EBF3: variants seen among roughly 807,000 people sequenced by gnomAD.
EBF3 encodes the protein EBF transcription factor 3.
In EBF3, 18 loss-of-function variants were observed where a neutral mutation model predicts 77.1. The observed-to-expected ratio is 0.23, with a 90% CI of 0.16 to 0.35. The LOEUF (loss-of-function observed/expected upper bound fraction) is 0.35. Among genes scored for constraint, EBF3 ranks in the 10% least tolerant of loss-of-function variants. EBF3 has a pLI of 1.00. For synonymous variants in EBF3, 350 were observed against 343.5 expected (o/e 1.02, Z -0.21); for missense variants, 558 against 860.0 (o/e 0.65, Z 4.39).
chr10:129,877,620 G>T, intron 7 of EBF3, 148 bp downstream of exon 7: 2 of 630,420 alleles, frequency 3.2e-6, no homozygotes, highest in African/African-American at 1.9e-5. Context: ...CATTTTATTT[G>T]CATATTTTTA....
chr10:129,841,680 C>T lies in EBF3; in HGVS notation c.1372+436G>A, dbSNP rs1351230738. ...GGACACTGCACTGTGGGATGGGGTG[C>T]GGGGTGGGGAAATGGGGGTCTGTCT... On this transcript the variant is annotated intron_variant, in intron 13 of 16. Coordinates refer to ENST00000440978, the MANE Select transcript of EBF3 (RefSeq NM_001375380.1). This position sits in a 1 kb window ranked among gnomAD's most constrained non-coding sequence, Gnocchi z 4.6. Among the ~76,000 whole-genome samples the T allele has an allele frequency of 6.6e-6, 1 of 151,990 alleles. No homozygotes were observed. The highest frequency in any genetic ancestry group is 1.5e-5 in the Non-Finnish European group (1 of 67,988).
intron 5 of EBF3, among the ~76,000 whole-genome samples, chr10:129,957,969 A>AT (rs1467806074): frequency 1.3e-5 from 2 of 152,244 alleles, no homozygotes; most frequent in African/African-American, 4.8e-5. Context: ...GGCAAAGTAT[A>AT]TAAAGCCTTT....
chr10:129,909,626 A>G (rs1332211145), intron 6 of EBF3, among the ~76,000 whole-genome samples: 2 of 152,176 alleles, frequency 1.3e-5, no homozygotes, highest in Non-Finnish European at 2.9e-5. Flanking sequence ...AGCCTGGAAA[A>G]CATACCTGGG....
At position 129,940,874 on chromosome 10, in the gene EBF3, G is replaced by A. The variant is rs184312712; in HGVS notation, c.554+16384C>T. Among the ~76,000 whole-genome samples, 73 of 152,228 alleles carry A rather than the reference G, an allele frequency of 4.8e-4. 1 individual carries two copies. The highest frequency in any genetic ancestry group is 1.6e-3 in the African/African-American group (65 of 41,554). On this transcript the variant is annotated intron_variant, in intron 6 of 16. Coordinates refer to ENST00000440978, the MANE Select transcript of EBF3 (RefSeq NM_001375380.1). ...GGGCTGCCATAAACATCCCACACTC[G>A]ATCCTCCCATGTTGGGCCACAGCAA...
intron 6 of EBF3, among the ~76,000 whole-genome samples, chr10:129,883,463 C>A (rs192004970): frequency 6.6e-6 from 1 of 152,030 alleles, no homozygotes; most frequent in African/African-American, 2.4e-5. Context: ...ATGGGGGGAA[C>A]CTGCTTTTGA....
intron 8 of EBF3, among the ~76,000 whole-genome samples, chr10:129,872,747 A>G (rs1429986491): frequency 2.0e-5 from 3 of 152,182 alleles, no homozygotes; most frequent in African/African-American, 7.2e-5. Context: ...GATGTGTTCA[A>G]TTGTGGGTGC....
chr10:129,843,723 C>T (rs1590043813), intron 11 of EBF3, among the ~76,000 whole-genome samples: 2 of 152,226 alleles, frequency 1.3e-5, no homozygotes, highest in Non-Finnish European at 1.5e-5. Context: ...AGTGCTTATT[C>T]CTCTTTATTT....
In EBF3 at chr10:129,861,074, T is replaced by C. The variant is rs917641624; in HGVS notation, c.1039+6067A>G. Among the ~76,000 whole-genome samples, 6 of 152,214 alleles carry C rather than the reference T, an allele frequency of 3.9e-5. No homozygotes were observed. The highest frequency in any genetic ancestry group is 4.4e-5 in the Non-Finnish European group (3 of 68,032). On this transcript the variant is annotated intron_variant, in intron 10 of 16. Transcript: ENST00000440978. This position sits in a 1 kb window ranked among gnomAD's most constrained non-coding sequence, Gnocchi z 4.3. ...ACCCTGGAAGCCCTCCCGGCCCCAC[T>C]CTTCAAAGGGCCGTGTTATCGAATC...
At chr10:129,893,525 T>C (rs1291906066) in intron 6 of EBF3, among the ~76,000 whole-genome samples, 2 of 152,218 alleles carry the variant, frequency 1.3e-5, no homozygotes, top group Non-Finnish European at 2.9e-5. Context: ...GTAATTTGAT[T>C]AACATGTTGA....
At chr10:129,905,267 C>T (rs755559048) in intron 6 of EBF3, among the ~76,000 whole-genome samples, 8 of 152,108 alleles carry the variant, frequency 5.3e-5, no homozygotes, top group Non-Finnish European at 1.2e-4. Context: ...TGGTAGGGGC[C>T]GGTCCTCATG....
chr10:129,927,811 C>G (rs1856773810), intron 6 of EBF3, among the ~76,000 whole-genome samples: 2 of 152,248 alleles, frequency 1.3e-5, no homozygotes, highest in Admixed American at 1.3e-4. Flanking sequence ...ATGTAAGCAG[C>G]TCTCCTGGCC....
At position 129,921,869 on chromosome 10, in the gene EBF3, G is replaced by A. The variant is rs140202964; in HGVS notation, c.554+35389C>T. ...TGTCCTCCTGAGCCCCACACCTGCC[G>A]TCCCATCCCAGCTCACTAGCCAGCC... On this transcript the variant is annotated intron_variant, in intron 6 of 16. Coordinates refer to ENST00000440978, the MANE Select transcript of EBF3 (RefSeq NM_001375380.1). 8.3e-3 allele frequency among the ~76,000 whole-genome samples: 1,267 copies of A among 152,252 alleles called. 26 individuals carry two copies. Among genetic ancestry groups the A allele is most frequent in the African/African-American group, 0.028 (1,169 of 41,544 alleles).
chr10:129,941,758 C>A (rs1857759085), intron 6 of EBF3, among the ~76,000 whole-genome samples: 1 of 152,354 alleles, frequency 6.6e-6, no homozygotes. Context: ...GGGACAGGAC[C>A]AGGCTGGCCT....
In EBF3 at chr10:129,948,392, G is replaced by C. The variant is rs1184949; in HGVS notation, c.554+8866C>G. Among the ~76,000 whole-genome samples the C allele has an allele frequency of 6.4e-3, 967 of 152,222 alleles. 11 individuals carry two copies. The highest frequency in any genetic ancestry group is 0.021 in the African/African-American group (885 of 41,526). On this transcript the variant is annotated intron_variant, in intron 6 of 16. Transcript: ENST00000440978. Reference sequence around the variant, plus strand: ...AGTAAAAGGATCCAGGGGTGCCAGGGGTTCAGGAAAGGGGGAGGGGTGGCT... The same window carrying C: ...AGTAAAAGGATCCAGGGGTGCCAGGCGTTCAGGAAAGGGGGAGGGGTGGCT...
chr10:129,899,096 C>T (rs928420212), intron 6 of EBF3, among the ~76,000 whole-genome samples: 2 of 152,254 alleles, frequency 1.3e-5, no homozygotes, highest in Non-Finnish European at 2.9e-5. Context: ...AGCCTTGAAT[C>T]GGAGCTGCTT....
At position 129,840,971 on chromosome 10, in the gene EBF3, G is replaced by A. The variant is rs977291023; in HGVS notation, c.1434C>T (p.Pro478=). 6.8e-6 allele frequency: 11 copies of A among 1,613,708 alleles called. No individual in the cohort carries two copies. Among genetic ancestry groups the A allele is most frequent in the Non-Finnish European group, 9.3e-6 (11 of 1,179,984 alleles). The change falls in exon 14 of 17, where the codon CCC becomes CCT. Residue 478 remains proline, a synonymous_variant. Transcript: ENST00000440978. ...TGACTGTGTTGTAATTGGACTGCTG[G>A]GGAGTACTGCTGGGGACGTAGCCTC... is the stretch of plus-strand genomic sequence containing the variant. ...SPRGYVPSST[P]QQSNYNTVST...
In EBF3 at chr10:129,952,580, G is replaced by A. The variant is rs540165251; in HGVS notation, c.554+4678C>T. Among the ~76,000 whole-genome samples the A allele has an allele frequency of 1.3e-5, 2 of 152,280 alleles. No individual in the cohort carries two copies. Among genetic ancestry groups the A allele is most frequent in the Admixed American group, 6.5e-5 (1 of 15,302 alleles). On this transcript the variant is annotated intron_variant, in intron 6 of 16. Coordinates refer to ENST00000440978, the MANE Select transcript of EBF3 (RefSeq NM_001375380.1). This position sits in a 1 kb window ranked among gnomAD's most constrained non-coding sequence, Gnocchi z 4.7. ...CATTTGTACAGCTTCAGCAGAGTTG[G>A]ATTTAATCACGCTCGTGCAAAGCCA...
At position 129,840,975 on chromosome 10, in the gene EBF3, G is replaced by C. The variant is rs1849993108; in HGVS notation, c.1430C>G (p.Thr477Ser). 1 of 1,613,126 alleles carries C rather than the reference G, an allele frequency of 6.2e-7. No individual in the cohort carries two copies. The highest frequency in any genetic ancestry group is 8.5e-7 in the Non-Finnish European group (1 of 1,179,788). Residue 477 changes from threonine (T) to serine (S), a missense_variant, in exon 14 of 17, where the codon ACT becomes AGT. Coordinates refer to ENST00000440978, the MANE Select transcript of EBF3 (RefSeq NM_001375380.1). Reference sequence around the variant, plus strand: ...TGTGTTGTAATTGGACTGCTGGGGAGTACTGCTGGGGACGTAGCCTCGCGG... The same window carrying C: ...TGTGTTGTAATTGGACTGCTGGGGACTACTGCTGGGGACGTAGCCTCGCGG... ...VSPRGYVPSS[T>S]PQQSNYNTVS... is the part of the protein sequence containing the mutation.
Position 129,964,031 on chromosome 10 carries a change from G to GCTT in EBF3, c.-266_-264dup. ...AGCAGGACGCGGTGGCCGCGGCGGC[G>GCTT]CTTGTTGTTGTTGTTGTTTGCAGGC... On this transcript the variant is annotated 5_prime_UTR_variant, in exon 1 of 17. Transcript: ENST00000440978. The surrounding 1 kb of genome is among the most constrained non-coding windows in gnomAD (Gnocchi z 4.5). The GCTT allele has an allele frequency of 1.0e-6, 1 of 985,196 alleles. No homozygotes were observed. The allele number at this position is 985,196 out of a possible 1,614,324, so 61.0% of individuals were successfully genotyped here. A position where few individuals can be genotyped will look rare whatever the true frequency, so the allele number is the denominator to read the frequency against.
Sources: gnomAD v4.1 joint callset for allele counts (sites outside exome capture counted in the v4.1 genomes callset) on GRCh38, gnomAD v4.1.1 for gene constraint, Gnocchi (gnomAD v3.1) non-coding constraint, MANE v1.5 for transcripts, NCBI Gene and HGNC (gene_info 2026-07-23, HGNC 2026-07-21) for gene names.